LPP: variants seen among roughly 807,000 people sequenced by gnomAD.
LPP encodes the protein LIM domain containing preferred translocation partner in lipoma, also known as lipoma-preferred partner.
A neutral mutation model predicts 60.4 loss-of-function variants in LPP; 38 were observed. The observed-to-expected ratio is 0.63, with a 90% CI of 0.49 to 0.83. LPP has a LOEUF of 0.83. Ranked by LOEUF, LPP falls within the 40% of genes least tolerant of loss-of-function variation. The probability of loss-of-function intolerance (pLI) is 0.00; values close to 1 mark genes in which losing one functional copy is unlikely to be tolerated. For missense variants in LPP, 902 were observed against 783.6 expected, an observed-to-expected ratio of 1.15 and a Z score of -1.80; for synonymous variants, 328 against 290.8, an observed-to-expected ratio of 1.13 and a Z score of -1.30.
At chr3:188,860,225 A>G (rs1764857454) in intron 9 of LPP, among the ~76,000 whole-genome samples, 1 of 152,130 alleles carries the variant, frequency 6.6e-6, no homozygotes. Flanking sequence ...AATCTTGATG[A>G]CCAGAATCAA....
In LPP at chr3:188,610,282, T is replaced by A. The variant is rs903008169; in HGVS notation, c.1113+438T>A. ...CTCAGCAAGGGTAGTGATCTATGGG[T>A]GAGACATGTGGAGGGCAAAACTGAG... On this transcript the variant is annotated intron_variant, in intron 7 of 11. Coordinates refer to ENST00000617246, the MANE Select transcript of LPP (RefSeq NM_001375462.1). This position sits in a 1 kb window ranked among gnomAD's most constrained non-coding sequence, Gnocchi z 4.4. Among the ~76,000 whole-genome samples, 3 of 152,162 alleles carry A rather than the reference T, an allele frequency of 2.0e-5. No homozygotes were observed. The highest frequency in any genetic ancestry group is 7.2e-5 in the African/African-American group (3 of 41,448).
At chr3:188,517,853 G>T (rs1465025934) in intron 5 of LPP, among the ~76,000 whole-genome samples, 1 of 152,126 alleles carries the variant, frequency 6.6e-6, no homozygotes, top group Non-Finnish European at 1.5e-5. Context: ...ATGAGATTTG[G>T]ATAGGGACAC....
At chr3:188,673,656 A>T (rs1373976302) in intron 7 of LPP, among the ~76,000 whole-genome samples, 2 of 152,052 alleles carry the variant, frequency 1.3e-5, no homozygotes, top group Non-Finnish European at 2.9e-5. Flanking sequence ...ATGATTCTGG[A>T]TACTGTGGCT....
intron 6 of LPP, among the ~76,000 whole-genome samples, chr3:188,554,801 T>G (rs1280682782): frequency 6.6e-6 from 1 of 152,190 alleles, no homozygotes; most frequent in Non-Finnish European, 1.5e-5. Flanking sequence ...AGTCATTTAT[T>G]TTGTTATTAT....
chr3:188,207,255 G>T (rs1577295497), intron 1 of LPP, among the ~76,000 whole-genome samples: 2 of 131,344 alleles, frequency 1.5e-5, no homozygotes, highest in Admixed American at 8.2e-5. Context: ...TTCTTGAGGT[G>T]GACTCTTGCC....
Position 188,760,029 on chromosome 3 carries a change from A to G in LPP, c.1241-84A>G, listed in dbSNP as rs1051035316. ...TGGTGGTTCTATTGCTGCTGACGTT[A>G]TGAACCTGCTTTCTCCTCCACTTTG... On this transcript the variant is annotated intron_variant, in intron 8 of 11. Coordinates refer to ENST00000617246, the MANE Select transcript of LPP (RefSeq NM_001375462.1). The G allele has an allele frequency of 3.9e-5, 47 of 1,218,286 alleles. No homozygotes were observed. In the South Asian group the frequency reaches 5.7e-4, roughly 15 times the overall value. 75.5% of individuals were successfully genotyped at this position (1,218,286 alleles called of 1,614,324 possible).
At chr3:188,465,295 T>C (rs1354400115) in intron 4 of LPP, among the ~76,000 whole-genome samples, 1 of 152,150 alleles carries the variant, frequency 6.6e-6, no homozygotes, top group Non-Finnish European at 1.5e-5. Context: ...TTTGTAACTA[T>C]GATGAGTGGG....
chr3:188,832,172 G>A (rs182394541), intron 9 of LPP, among the ~76,000 whole-genome samples: 1 of 152,128 alleles, frequency 6.6e-6, no homozygotes, highest in Non-Finnish European at 1.5e-5. Context: ...AGGTGTTGGG[G>A]TGTAACTTAC....
intron 3 of LPP, among the ~76,000 whole-genome samples, chr3:188,371,548 A>T (rs1361610392): frequency 2.1e-5 from 3 of 145,274 alleles, no homozygotes; most frequent in African/African-American, 7.6e-5. Flanking sequence ...TCATATTAAT[A>T]ATTTTACAAA....
intron 7 of LPP, among the ~76,000 whole-genome samples, chr3:188,686,654 G>A (rs751935504): frequency 1.5e-4 from 23 of 152,160 alleles, no homozygotes; most frequent in Admixed American, 2.6e-4. Flanking sequence ...TCACTGTTAT[G>A]CTTTAAGCTT....
intron 5 of LPP, among the ~76,000 whole-genome samples, chr3:188,512,593 A>AAATAAATG (rs567257924): frequency 6.6e-6 from 1 of 151,550 alleles, no homozygotes; most frequent in African/African-American, 2.4e-5. Context: ...ATAAATAAAT[A>AAATAAATG]AAGTTCCCAC....
intron 8 of LPP, among the ~76,000 whole-genome samples, chr3:188,752,319 T>G (rs1474400564): frequency 6.6e-6 from 1 of 152,134 alleles, no homozygotes; most frequent in Non-Finnish European, 1.5e-5. Flanking sequence ...ATCTAGTGAG[T>G]GCGTCTACTC....
intron 6 of LPP, among the ~76,000 whole-genome samples, chr3:188,538,298 A>T (rs1298188566): frequency 1.3e-5 from 2 of 152,212 alleles, no homozygotes; most frequent in Non-Finnish European, 2.9e-5. Flanking sequence ...CAAATCATGT[A>T]TCTGTTAAGG....
At position 188,889,385 on chromosome 3, in the gene LPP, C is replaced by T; in HGVS notation, c.*14906C>T. 4.3e-6 allele frequency: 1 copy of T among 231,722 alleles called. No individual in the cohort carries two copies. The highest frequency in any genetic ancestry group is 8.5e-6 in the Non-Finnish European group (1 of 117,062). The allele number at this position is 231,722 out of a possible 1,614,324, so 14.4% of individuals were successfully genotyped here. On this transcript the variant is annotated 3_prime_UTR_variant, in exon 12 of 12. Transcript: ENST00000617246. The stretch of plus-strand genomic sequence containing the variant: ...TGTAGGAGAAGGGTTGAAGGGAGGA[C>T]ATGATTCCAAAAAAGATCGTTCTCA...
At chr3:188,785,547 T>TACACACACAC (rs1177987893) in intron 9 of LPP, among the ~76,000 whole-genome samples, 1 of 43,838 alleles carries the variant, frequency 2.3e-5, no homozygotes, top group Non-Finnish European at 4.1e-5. Context: ...TATATATATA[T>TACACACACAC]ACACACACAC....
chr3:188,521,694 C>T (rs1818915650), intron 5 of LPP, among the ~76,000 whole-genome samples: 1 of 152,086 alleles, frequency 6.6e-6, no homozygotes, highest in Non-Finnish European at 1.5e-5. Flanking sequence ...AGAGTATTTT[C>T]CCATCCATTT....
chr3:188,567,451 A>G (rs1329086812), intron 6 of LPP, among the ~76,000 whole-genome samples: 2 of 151,918 alleles, frequency 1.3e-5, no homozygotes, highest in East Asian at 1.9e-4. Context: ...ATTGTAACAC[A>G]TATTAAGTGA....
chr3:188,521,016 G>A (rs916180110), intron 5 of LPP, among the ~76,000 whole-genome samples: 2 of 152,032 alleles, frequency 1.3e-5, no homozygotes, highest in Admixed American at 6.5e-5. Flanking sequence ...TAAATCGAAA[G>A]GTAAATGAAT....
chr3:188,193,297 A>T (rs1728677969), intron 1 of LPP, among the ~76,000 whole-genome samples: 2 of 152,220 alleles, frequency 1.3e-5, no homozygotes, highest in South Asian at 2.1e-4. Flanking sequence ...GCAGCATAGC[A>T]TGGCGATGAA....
Sources: allele counts gnomAD v4.1 joint callset (sites outside exome capture counted in the v4.1 genomes callset), GRCh38; gene constraint gnomAD v4.1.1; non-coding constraint Gnocchi (gnomAD v3.1); transcripts MANE v1.5; gene names NCBI Gene and HGNC (gene_info 2026-07-23, HGNC 2026-07-21).